The following MRNIP variants were observed in gnomAD, a reference collection of about 807,000 sequenced individuals.
MRNIP encodes the protein MRN complex-interacting protein.
In MRNIP, 30 loss-of-function variants were observed where a neutral mutation model predicts 29.8. The ratio of observed to expected loss-of-function variants is 1.01; its 90% CI spans 0.75 to 1.36. MRNIP has a LOEUF of 1.36. Among genes scored for constraint, MRNIP ranks in the 40% most tolerant of loss-of-function variants. The probability of loss-of-function intolerance (pLI) is 0.00; values close to 1 mark genes in which losing one functional copy is unlikely to be tolerated. For missense variants in MRNIP, 459 were observed against 423.5 expected, an observed-to-expected ratio of 1.08 and a Z score of -0.74; for synonymous variants, 201 against 164.1, an observed-to-expected ratio of 1.23 and a Z score of -1.72.
At chr5:179,843,055 A>AAGGG (rs1491471128) in intron 4 of MRNIP, among the ~76,000 whole-genome samples, 18 of 121,596 alleles carry the variant, frequency 1.5e-4, no homozygotes, top group East Asian at 5.7e-4. Flanking sequence ...GGAAGGAAGG[A>AAGGG]AGGAAGGGAG....
Position 179,837,568 on chromosome 5 carries a change from A to G in MRNIP, c.855T>C (p.Leu285=). Residue 285 remains leucine, a synonymous_variant, in exon 7 of 7, where the codon CTT becomes CTC. Coordinates refer to ENST00000292586, the MANE Select transcript of MRNIP (RefSeq NM_016175.4). ...ATGTGACGGGGTGTGTGGCCCGAGG[A>G]AGCTGGACAGCGGCAGTGGGCCTGC... ...GLSRPTAAVQ[L]PRATHPVTSG... 3.1e-6 allele frequency: 5 copies of G among 1,614,148 alleles called. No individual in the cohort carries two copies. In the Middle Eastern group the frequency reaches 4.9e-4, roughly 160 times the overall value.
intron 5 of MRNIP, 188 bp downstream of exon 5, chr5:179,841,719 C>G: frequency 1.6e-6 from 1 of 642,300 alleles, no homozygotes; most frequent in Non-Finnish European, 2.7e-6. Context: ...GCCTCTGCAC[C>G]AGCAGTGCCC....
intron 4 of MRNIP, among the ~76,000 whole-genome samples, chr5:179,842,455 C>T (rs903496349): frequency 4.0e-5 from 6 of 148,692 alleles, no homozygotes; most frequent in East Asian, 4.0e-4. Flanking sequence ...CCGAGGCTGG[C>T]GGATCACAAG....
chr5:179,837,518 T>C lies in MRNIP; in HGVS notation c.905A>G (p.Lys302Arg), dbSNP rs949750432. 6.2e-7 allele frequency: 1 copy of C among 1,614,220 alleles called. No individual in the cohort carries two copies. The highest frequency in any genetic ancestry group is 1.7e-5 in the Admixed American group (1 of 60,024). ...VTSGSERPCG[K>R]TSWDARTPWA... ...GGGAGTCCTTGCGTCCCATGAGGTC[T>C]TCCCGCAAGGCCTCTCAGACCCAGA... Residue 302 changes from lysine (K) to arginine (R), a missense_variant, in exon 7 of 7, where the codon AAG becomes AGG. Transcript: ENST00000292586.
intron 6 of MRNIP, chr5:179,840,573 G>C: frequency 1.9e-6 from 1 of 529,238 alleles, no homozygotes; most frequent in Non-Finnish European, 3.3e-6. Context: ...CACGCAGAAT[G>C]AGACGATGGC....
intron 1 of MRNIP, 46 bp downstream of exon 1, chr5:179,858,685 C>T: frequency 7.8e-7 from 1 of 1,286,266 alleles, no homozygotes; most frequent in South Asian, 1.4e-5. Flanking sequence ...TCCCCGTCCG[C>T]TGTCCCCGCG....
chr5:179,850,411 C>A (rs1299465466), intron 2 of MRNIP, among the ~76,000 whole-genome samples: 1 of 152,202 alleles, frequency 6.6e-6, no homozygotes, highest in Non-Finnish European at 1.5e-5. Flanking sequence ...CATCTGTGAT[C>A]AGACACACAC....
chr5:179,837,873 G>A lies in MRNIP; in HGVS notation c.550C>T (p.Leu184=). ...CTGCCTTGTTTCACCTTCCATGTCA[G>A]GCCAGCCTGTCCCTGAAAGAGAAGA... is the stretch of plus-strand genomic sequence containing the variant. ...AWGPQKGQAG[L]TWKVKQGSSP... Residue 184 remains leucine (L), a synonymous_variant, in exon 7 of 7, where the codon CTG becomes TTG. Coordinates refer to ENST00000292586, the MANE Select transcript of MRNIP (RefSeq NM_016175.4). 1.2e-6 allele frequency: 2 copies of A among 1,605,732 alleles called. No homozygotes were observed. Among genetic ancestry groups the A allele is most frequent in the South Asian group, 1.1e-5 (1 of 91,068 alleles).
chr5:179,854,577 G>A (rs964157753), intron 1 of MRNIP, among the ~76,000 whole-genome samples: 9 of 152,172 alleles, frequency 5.9e-5, no homozygotes, highest in South Asian at 2.1e-4. Flanking sequence ...AGGAGTTTGA[G>A]GCCAGCCCGG....
rs1561616790 is a variant in MRNIP at position 179,843,067 on chromosome 5, G to GGA, written c.292-1004_292-1003insTC. Among the ~76,000 whole-genome samples, 6 of 117,650 alleles carry GGA rather than the reference G, an allele frequency of 5.1e-5. No homozygotes were observed. In the East Asian group the frequency reaches 6.9e-4, roughly 14 times the overall value. 77.2% of individuals were successfully genotyped at this position (117,650 alleles called of 152,430 possible). A position where few individuals can be genotyped will look rare whatever the true frequency, so the allele number is the denominator to read the frequency against. ...GAAGGAAGGAAGGAAGGAAGGGAGG[G>GGA]AGGGAGGGAGGGAGGCAGGCAAGCA... On this transcript the variant is annotated intron_variant, in intron 4 of 6. Transcript: ENST00000292586.
chr5:179,838,257 G>A (rs1028861954), intron 6 of MRNIP: 9 of 280,328 alleles, frequency 3.2e-5, no homozygotes, highest in African/African-American at 1.1e-4. Context: ...ACCTCCCACC[G>A]GGGGGCAGCT....
At chr5:179,849,764 G>C (rs138514155) in intron 2 of MRNIP, among the ~76,000 whole-genome samples, 1,981 of 146,096 alleles carry the variant, frequency 0.014, 27 homozygotes, top group African/African-American at 0.046. Flanking sequence ...GAATTTGAGA[G>C]CATGGATCCT....
At chr5:179,847,153 GTTAC>G (rs1470805030) in intron 3 of MRNIP, 5 of 124,028 alleles carry the variant, frequency 4.0e-5, no homozygotes, top group Non-Finnish European at 6.8e-5. Flanking sequence ...ACCTCTGAGA[GTTAC>G]TTACTTTTTT....
intron 6 of MRNIP, chr5:179,839,382 CTT>C (rs1208022978): frequency 5.3e-5 from 8 of 152,240 alleles, no homozygotes; most frequent in African/African-American, 1.9e-4. Flanking sequence ...GGCCCTGAAA[CTT>C]GACGTTGGCT....
intron 1 of MRNIP, among the ~76,000 whole-genome samples, chr5:179,856,332 G>A (rs764943787): frequency 2.6e-5 from 4 of 152,102 alleles, no homozygotes; most frequent in East Asian, 1.9e-4. Context: ...CGTGTATTTC[G>A]GAATTCTCAT....
chr5:179,851,587 C>A (rs1359015840), intron 2 of MRNIP, among the ~76,000 whole-genome samples: 2 of 152,114 alleles, frequency 1.3e-5, no homozygotes, highest in Non-Finnish European at 2.9e-5. Flanking sequence ...CCTTGGATTC[C>A]CTAAGAGATC....
intron 6 of MRNIP, chr5:179,840,521 G>A (rs897080819): frequency 1.3e-4 from 56 of 431,374 alleles, no homozygotes; most frequent in Admixed American, 6.7e-4. Context: ...GATTCAGGGC[G>A]GCCCGCTGAC....
At chr5:179,845,680 A>C (rs1252036549) in intron 3 of MRNIP, among the ~76,000 whole-genome samples, 2 of 143,130 alleles carry the variant, frequency 1.4e-5, no homozygotes, top group African/African-American at 5.2e-5. Flanking sequence ...ATTTTTAGTA[A>C]AGACAGGGTT....
chr5:179,841,525 C>A (rs1468654899), intron 5 of MRNIP: 5 of 205,164 alleles, frequency 2.4e-5, no homozygotes, highest in Non-Finnish European at 4.9e-5. Context: ...CTCCAAAAAT[C>A]TCACTGAAAT....
Sources: gnomAD v4.1 joint callset for allele counts (sites outside exome capture counted in the v4.1 genomes callset) on GRCh38, gnomAD v4.1.1 for gene constraint, MANE v1.5 for transcripts, NCBI Gene and HGNC (gene_info 2026-07-23, HGNC 2026-07-21) for gene names.